Variants in VPS35L observed in about 807,000 individuals in gnomAD.
The protein encoded by VPS35L is VPS35 endosomal protein-sorting factor-like.
A neutral mutation model predicts 133.0 loss-of-function variants in VPS35L; 83 were observed. The ratio of observed to expected loss-of-function variants is 0.62; its 90% CI spans 0.52 to 0.75. The LOEUF is 0.75. Among genes scored for constraint, VPS35L ranks in the 30% least tolerant of loss-of-function variants. The probability of loss-of-function intolerance (pLI) is 0.00; values close to 1 mark genes in which losing one functional copy is unlikely to be tolerated. For synonymous variants in VPS35L, 423 were observed against 449.9 expected (o/e 0.94, Z 0.76); for missense variants, 1,083 against 1,206.8 (o/e 0.90, Z 1.52).
intron 2 of VPS35L, among the ~76,000 whole-genome samples, chr16:19,567,225 A>T (rs1248953405): frequency 6.6e-6 from 1 of 152,204 alleles, no homozygotes; most frequent in Non-Finnish European, 1.5e-5. Flanking sequence ...CCCATACCAT[A>T]ACAGAATAGC....
Position 19,700,481 on chromosome 16 carries a change from C to A in VPS35L, c.*5C>A, listed in dbSNP as rs1475032661. 1.2e-6 allele frequency: 2 copies of A among 1,611,928 alleles called. No homozygotes were observed. Among genetic ancestry groups the A allele is most frequent in the Non-Finnish European group, 1.7e-6 (2 of 1,177,950 alleles). On this transcript the variant is annotated 3_prime_UTR_variant, in exon 31 of 31. Coordinates refer to ENST00000417362, the MANE Select transcript of VPS35L (RefSeq NM_020314.7). ...CCTCTGCAAACAAGGACCTGACCCC[C>A]GGGCCCATCCCCAGGCTCAGGGACT...
intron 2 of VPS35L, among the ~76,000 whole-genome samples, chr16:19,565,888 C>T (rs1971172882): frequency 6.6e-6 from 1 of 152,136 alleles, no homozygotes; most frequent in South Asian, 2.1e-4. Flanking sequence ...GCATCTTAGT[C>T]TATCTGTGGG....
chr16:19,588,312 G>A lies in VPS35L; in HGVS notation c.640-3478G>A, dbSNP rs1159515456. ...AGCGATTCTCCCACCTCAGCCTCCC[G>A]AGTAGCTTGGATTACGGGCATCTGC... On this transcript the variant is annotated intron_variant, in intron 7 of 30. Coordinates refer to ENST00000417362, the MANE Select transcript of VPS35L (RefSeq NM_020314.7). Among the ~76,000 whole-genome samples, 5 of 151,688 alleles carry A rather than the reference G, an allele frequency of 3.3e-5. 1 individual carries two copies. In the East Asian group the frequency reaches 5.9e-4, roughly 18 times the overall value.
At position 19,633,844 on chromosome 16, in the gene VPS35L, A is replaced by G. The variant is rs913237017; in HGVS notation, c.1635+672A>G. ...CCTCCACCTTCAATTCTTCTGTCTC[A>G]GCCTTCCGAGTAGCTGGGACTACAG... On this transcript the variant is annotated intron_variant, in intron 19 of 30. Coordinates refer to ENST00000417362, the MANE Select transcript of VPS35L (RefSeq NM_020314.7). The surrounding 1 kb of genome is among the most constrained non-coding windows in gnomAD (Gnocchi z 4.1). 9.9e-5 allele frequency among the ~76,000 whole-genome samples: 15 copies of G among 151,946 alleles called. No homozygotes were observed. The highest frequency in any genetic ancestry group is 2.2e-4 in the Non-Finnish European group (15 of 67,994).
chr16:19,645,030 A>T, intron 23 of VPS35L, 81 bp downstream of exon 23: 1 of 977,336 alleles, frequency 1.0e-6, no homozygotes, highest in Non-Finnish European at 1.6e-6. Flanking sequence ...AGCAGTTAAC[A>T]TTATGTTCTC....
intron 5 of VPS35L, among the ~76,000 whole-genome samples, chr16:19,576,074 G>C (rs1971525395): frequency 6.7e-6 from 1 of 149,618 alleles, no homozygotes. Flanking sequence ...GCTGAGGCAG[G>C]AGAATCGCTT....
chr16:19,655,128 A>G (rs1036147182), intron 26 of VPS35L, among the ~76,000 whole-genome samples: 1 of 152,130 alleles, frequency 6.6e-6, no homozygotes, highest in Non-Finnish European at 1.5e-5. Context: ...TATACTGTGC[A>G]TGGATAAAGA....
At chr16:19,663,212 G>C (rs1408695945) in intron 26 of VPS35L, among the ~76,000 whole-genome samples, 3 of 152,166 alleles carry the variant, frequency 2.0e-5, no homozygotes, top group Non-Finnish European at 2.9e-5. Context: ...TCTGGAGGCT[G>C]AGGCAGGAGA....
intron 19 of VPS35L, 27 bp from the exon 20 acceptor site, chr16:19,637,567 T>C (rs1973659884): frequency 6.8e-7 from 1 of 1,466,922 alleles, no homozygotes; most frequent in African/African-American, 1.4e-5. Context: ...TTTTTAAAAA[T>C]AATATTTTTG....
At chr16:19,604,537 T>C (rs967949709) in intron 9 of VPS35L, among the ~76,000 whole-genome samples, 2 of 152,216 alleles carry the variant, frequency 1.3e-5, no homozygotes, top group Non-Finnish European at 2.9e-5. Context: ...TCCTTTTAGC[T>C]AAAATCTTCA....
intron 19 of VPS35L, among the ~76,000 whole-genome samples, chr16:19,636,531 C>A (rs778906503): frequency 5.9e-5 from 9 of 152,154 alleles, no homozygotes; most frequent in Non-Finnish European, 1.0e-4. Context: ...CAGTGTCTTA[C>A]AATGGTATGC....
At position 19,695,173 on chromosome 16, in the gene VPS35L, T is replaced by C. The variant is rs559740449; in HGVS notation, c.2646+3702T>C. Among the ~76,000 whole-genome samples, 36 of 152,330 alleles carry C rather than the reference T, an allele frequency of 2.4e-4. No homozygotes were observed. In the South Asian group the frequency reaches 7.5e-3, roughly 32 times the overall value. The stretch of plus-strand genomic sequence containing the variant: ...CTAGTCCAGGGACCTCTTAGAACAA[T>C]GATGTGTGTTTGACAAGCCACACCC... On this transcript the variant is annotated intron_variant, in intron 29 of 30. Coordinates refer to ENST00000417362, the MANE Select transcript of VPS35L (RefSeq NM_020314.7).
intron 29 of VPS35L, among the ~76,000 whole-genome samples, chr16:19,694,833 C>T (rs1206764068): frequency 6.6e-6 from 1 of 151,976 alleles, no homozygotes; most frequent in Non-Finnish European, 1.5e-5. Flanking sequence ...TGGTGAAACC[C>T]CACCTCTACT....
chr16:19,610,448 C>T (rs760643528), intron 12 of VPS35L, 33 bp downstream of exon 12: 62 of 1,550,646 alleles, frequency 4.0e-5, no homozygotes, highest in African/African-American at 2.7e-4. Context: ...CTTGACGGCA[C>T]GGCTGCCACC....
intron 8 of VPS35L, among the ~76,000 whole-genome samples, chr16:19,594,510 G>A (rs1597340321): frequency 6.6e-6 from 1 of 151,884 alleles, no homozygotes; most frequent in African/African-American, 2.4e-5. Flanking sequence ...CAGGCTTGGT[G>A]GCAGGCACCT....
At chr16:19,588,401 G>A (rs1971940190) in intron 7 of VPS35L, among the ~76,000 whole-genome samples, 1 of 151,174 alleles carries the variant, frequency 6.6e-6, no homozygotes, top group Admixed American at 6.6e-5. Flanking sequence ...TGGCCAGGCT[G>A]GTCTCAATTC....
In VPS35L at chr16:19,602,031, G is replaced by A. The variant is rs575527967; in HGVS notation, c.784+308G>A. ...GACTTTAATATTTTTCCTATGTATC[G>A]TTCCCTCCTAAGAAGCAACTTGCTT... On this transcript the variant is annotated intron_variant, in intron 9 of 30. Transcript: ENST00000417362. Among the ~76,000 whole-genome samples, 8 of 151,492 alleles carry A rather than the reference G, an allele frequency of 5.3e-5. 1 individual carries two copies. The highest frequency in any genetic ancestry group is 1.2e-4 in the African/African-American group (5 of 41,202).
At chr16:19,651,590 C>T (rs908236669) in intron 25 of VPS35L, among the ~76,000 whole-genome samples, 1 of 152,198 alleles carries the variant, frequency 6.6e-6, no homozygotes, top group Non-Finnish European at 1.5e-5. Context: ...AAATAAGCAT[C>T]CTGGCTCTGC....
chr16:19,684,832 G>A (rs749138616), intron 28 of VPS35L, among the ~76,000 whole-genome samples: 4 of 152,214 alleles, frequency 2.6e-5, no homozygotes, highest in Admixed American at 6.5e-5. Flanking sequence ...AGACGCAGGC[G>A]GATCACCTGA....
Sources: gnomAD v4.1 joint callset for allele counts (sites outside exome capture counted in the v4.1 genomes callset) on GRCh38, gnomAD v4.1.1 for gene constraint, Gnocchi (gnomAD v3.1) non-coding constraint, MANE v1.5 for transcripts, NCBI Gene and HGNC (gene_info 2026-07-23, HGNC 2026-07-21) for gene names.